Variants in ELAVL2 observed in about 807,000 individuals in gnomAD.
ELAVL2 encodes ELAV-like protein 2.
In ELAVL2, 4 loss-of-function variants were observed where a neutral mutation model predicts 34.6. That is an observed-to-expected ratio of 0.12 (90% CI 0.06 to 0.26). ELAVL2 has a LOEUF of 0.26. ELAVL2 is among the 10% of genes least tolerant of loss of function. The pLI is 1.00. For synonymous variants in ELAVL2, 193 were observed against 154.8 expected (o/e 1.25, Z -1.83); for missense variants, 432 against 442.8 (o/e 0.98, Z 0.22).
At chr9:23,807,981 C>T (rs976908527) in intron 1 of ELAVL2, among the ~76,000 whole-genome samples, 6 of 152,094 alleles carry the variant, frequency 3.9e-5, no homozygotes, top group Admixed American at 6.6e-5. Flanking sequence ...ACATTAAAAT[C>T]GGTTTCTCGT....
At position 23,762,255 on chromosome 9, in the gene ELAVL2, A is replaced by C; in HGVS notation, c.-15-6T>G. ...TCCATGGCAGCAATTACCTGCTAAA[A>C]ACAGAGAAAACAAGAAATGTCAGAA... is the stretch of plus-strand genomic sequence containing the variant. On this transcript the variant is annotated splice_region_variant and splice_polypyrimidine_tract_variant and intron_variant, in intron 1 of 6. Coordinates refer to ENST00000397312, the MANE Select transcript of ELAVL2 (RefSeq NM_004432.5). The C allele has an allele frequency of 6.2e-7, 1 of 1,612,086 alleles. No individual in the cohort carries two copies. Among genetic ancestry groups the C allele is most frequent in the South Asian group, 1.1e-5 (1 of 90,952 alleles).
At position 23,753,880 on chromosome 9, in the gene ELAVL2, A is replaced by G. The variant is rs148753815; in HGVS notation, c.229+8126T>C. Among the ~76,000 whole-genome samples, 4 of 152,304 alleles carry G rather than the reference A, an allele frequency of 2.6e-5. No individual in the cohort carries two copies. The East Asian group carries it at 7.7e-4, about 29-fold the overall frequency. ...AATTTCAACTGTAATTTTATTTTCT[A>G]TGAATTTGAATATGTTTACAAAGTT... On this transcript the variant is annotated intron_variant, in intron 2 of 6. Transcript: ENST00000397312.
intron 1 of ELAVL2, among the ~76,000 whole-genome samples, chr9:23,772,427 C>T (rs1237080808): frequency 6.6e-6 from 1 of 151,210 alleles, no homozygotes; most frequent in Non-Finnish European, 1.5e-5. Context: ...AAGGCCACAA[C>T]ACTCCTCCTG....
chr9:23,789,990 C>G (rs896915008), intron 1 of ELAVL2, among the ~76,000 whole-genome samples: 2 of 151,558 alleles, frequency 1.3e-5, no homozygotes, highest in Non-Finnish European at 2.9e-5. Flanking sequence ...ATGCCTGAAA[C>G]CAAAGTTTTC....
At chr9:23,845,858 G>T in the ELAVL2 span, among the ~76,000 whole-genome samples, 2 of 151,856 alleles carry the variant, frequency 1.3e-5, no homozygotes, top group Admixed American at 1.3e-4. Context: ...ACCATTTATT[G>T]CATAAAGTGC....
chr9:23,718,302 C>T (rs2042819200), intron 3 of ELAVL2, among the ~76,000 whole-genome samples: 1 of 152,156 alleles, frequency 6.6e-6, no homozygotes, highest in African/African-American at 2.4e-5. Flanking sequence ...GCCCTATCTA[C>T]ATTACAAGTA....
chr9:23,814,379 A>G (rs1172677981), intron 1 of ELAVL2, among the ~76,000 whole-genome samples: 7 of 152,192 alleles, frequency 4.6e-5, no homozygotes, highest in African/African-American at 1.4e-4. Context: ...CCTGGAACTA[A>G]GCACAAGGCT....
chr9:23,802,964 A>C (rs956680378), intron 1 of ELAVL2, among the ~76,000 whole-genome samples: 1 of 152,012 alleles, frequency 6.6e-6, no homozygotes, highest in Non-Finnish European at 1.5e-5. Context: ...TACACATAAC[A>C]AACAAAAGGT....
intron 2 of ELAVL2, among the ~76,000 whole-genome samples, chr9:23,746,047 C>T (rs1220586255): frequency 6.6e-6 from 1 of 151,978 alleles, no homozygotes; most frequent in African/African-American, 2.4e-5. Flanking sequence ...GGATCGGTAT[C>T]TTCACTGCAC....
At chr9:23,810,922 T>G (rs975112074) in intron 1 of ELAVL2, among the ~76,000 whole-genome samples, 17 of 152,192 alleles carry the variant, frequency 1.1e-4, no homozygotes, top group Non-Finnish European at 2.2e-4. Context: ...TTTTTCTATC[T>G]TCCTAATGGT....
intron 1 of ELAVL2, chr9:23,821,744 A>G (rs1003787254): frequency 6.7e-6 from 1 of 148,528 alleles, no homozygotes; most frequent in Non-Finnish European, 1.5e-5. Flanking sequence ...AGCCGGCGGA[A>G]CCCCCGCCCC....
chr9:23,838,156 A>C, the ELAVL2 span, among the ~76,000 whole-genome samples: 1 of 152,184 alleles, frequency 6.6e-6, no homozygotes, highest in South Asian at 2.1e-4. Context: ...GTTTACTAGA[A>C]CATTAAACAA....
chr9:23,786,781 CAAAAAAAAA>C (rs57292061), intron 1 of ELAVL2, among the ~76,000 whole-genome samples: 18 of 108,126 alleles, frequency 1.7e-4, no homozygotes, highest in East Asian at 5.9e-4. Context: ...ATTTTAGTGG[CAAAAAAAAA>C]AAAAAAAAAA....
chr9:23,827,960 C>T (rs1207654504), upstream of ELAVL2, among the ~76,000 whole-genome samples: 2 of 152,112 alleles, frequency 1.3e-5, no homozygotes, highest in Non-Finnish European at 1.5e-5. Context: ...CATGCCTTAA[C>T]CTCCACCCCC....
chr9:23,779,314 G>C, intron 1 of ELAVL2: 3 of 985,442 alleles, frequency 3.0e-6, no homozygotes, highest in Non-Finnish European at 3.6e-6. Flanking sequence ...AAAGTGGGCA[G>C]ACAGAGGAAC....
chr9:23,693,456 T>G lies in ELAVL2; in HGVS notation c.744A>C (p.Gly248=). ...TGAACCTCTATCATTACCTCTTTAC[T>G]CCATAAGCCATATTGAGCAGATTGT... ...RLDNLLNMAY[G]VKRFSPMTID... is the part of the protein sequence containing the mutation. Residue 248 remains glycine, a synonymous_variant, in exon 6 of 7, where the codon GGA becomes GGC. Transcript: ENST00000397312. 6.2e-7 allele frequency: 1 copy of G among 1,614,060 alleles called. No homozygotes were observed. The highest frequency in any genetic ancestry group is 1.1e-5 in the South Asian group (1 of 91,078).
intron 1 of ELAVL2, among the ~76,000 whole-genome samples, chr9:23,792,776 CTTT>C (rs1486245105): frequency 2.0e-5 from 3 of 151,690 alleles, no homozygotes; most frequent in African/African-American, 7.3e-5. Flanking sequence ...TCATATTTTT[CTTT>C]TATTTTTTAG....
chr9:23,739,811 C>CCA (rs1564192799), intron 2 of ELAVL2, among the ~76,000 whole-genome samples: 1 of 152,018 alleles, frequency 6.6e-6, no homozygotes, highest in Non-Finnish European at 1.5e-5. Flanking sequence ...ACACCCCCCC[C>CCA]ACTAAGCAGT....
At chr9:23,697,888 C>T (rs892360551) in intron 5 of ELAVL2, among the ~76,000 whole-genome samples, 3 of 151,908 alleles carry the variant, frequency 2.0e-5, no homozygotes, top group Admixed American at 6.6e-5. Context: ...CTCTCCAAAG[C>T]GCCAACCGAG....
Sources: allele counts gnomAD v4.1 joint callset (sites outside exome capture counted in the v4.1 genomes callset), GRCh38; gene constraint gnomAD v4.1.1; transcripts MANE v1.5; gene names NCBI Gene and HGNC (gene_info 2026-07-23, HGNC 2026-07-21).